Variants in ZNF525 observed in about 807,000 individuals in gnomAD.
ZNF525 encodes zinc finger protein 525.
ZNF525 carries 33 observed loss-of-function variants against 37.6 expected under a neutral mutation model. That is an observed-to-expected ratio of 0.88 (90% CI 0.67 to 1.17). The LOEUF (loss-of-function observed/expected upper bound fraction) is 1.17. Ranked by LOEUF, ZNF525 falls within the 50% of genes most tolerant of loss-of-function variation. The pLI is 0.00. For missense variants in ZNF525, 449 were observed against 543.1 expected (o/e 0.83, Z 1.72); for synonymous variants, 170 against 182.3 (o/e 0.93, Z 0.54).
At position 53,386,293 on chromosome 19, in the gene ZNF525, C is replaced by T. The variant is rs757086470; in HGVS notation, c.*4274C>T. 1.7e-5 allele frequency: 12 copies of T among 706,560 alleles called. No homozygotes were observed. The highest frequency in any genetic ancestry group is 2.6e-5 in the Non-Finnish European group (10 of 384,242). 43.8% of individuals were successfully genotyped at this position (706,560 alleles called of 1,614,324 possible). A position where few individuals can be genotyped will look rare whatever the true frequency, so the allele number is the denominator to read the frequency against. ...CCTGGCCAAGAAACAAAAGCAAAAC[C>T]ATCCCACTCCCCTGTGGATTCAGAT... On this transcript the variant is annotated 3_prime_UTR_variant, in exon 4 of 4. Transcript: ENST00000474037.
chr19:53,368,102 C>G (rs1285325257), intron 1 of ZNF525, among the ~76,000 whole-genome samples: 2 of 151,904 alleles, frequency 1.3e-5, no homozygotes, highest in Non-Finnish European at 2.9e-5. Flanking sequence ...CTCCTTGTTG[C>G]AATGGGAGTT....
intron 3 of ZNF525, among the ~76,000 whole-genome samples, chr19:53,379,659 C>G (rs1233380201): frequency 1.3e-5 from 2 of 152,132 alleles, no homozygotes; most frequent in African/African-American, 4.8e-5. Context: ...TTACATAAAG[C>G]TTTTCGGTAT....
At position 53,381,257 on chromosome 19, in the gene ZNF525, T is replaced by C. The variant is rs752127054; in HGVS notation, c.678T>C (p.Tyr226=). 5.0e-6 allele frequency: 7 copies of C among 1,388,604 alleles called. No individual in the cohort carries two copies. In the Admixed American group the frequency reaches 1.2e-4, roughly 23 times the overall value. The allele number at this position is 1,388,604 out of a possible 1,614,324, so 86.0% of individuals were successfully genotyped here. A position where few individuals can be genotyped will look rare whatever the true frequency, so the allele number is the denominator to read the frequency against. ...TTGAGAGTGGCAAAGCCTTTAATTA[T>C]AGCTCACTCTTAAGGAAACATCAGA... is the stretch of plus-strand genomic sequence containing the variant. ...QCIESGKAFN[Y]SSLLRKHQII... Residue 226 remains tyrosine (Y), a synonymous_variant, in exon 4 of 4, where the codon TAT becomes TAC. Transcript: ENST00000474037.
chr19:53,384,969 G>A lies in ZNF525; in HGVS notation c.*2950G>A. The A allele has an allele frequency of 2.8e-6, 2 of 702,012 alleles. No homozygotes were observed. The highest frequency in any genetic ancestry group is 5.2e-6 in the Non-Finnish European group (2 of 384,644). 43.5% of individuals were successfully genotyped at this position (702,012 alleles called of 1,614,324 possible). On this transcript the variant is annotated 3_prime_UTR_variant, in exon 4 of 4. Transcript: ENST00000474037. Reference sequence around the variant, plus strand: ...TAAATTTCCTTTTCTATTTTGTTTAGGATTTCTATGATGACTGGATTTTGA... The same window carrying A: ...TAAATTTCCTTTTCTATTTTGTTTAAGATTTCTATGATGACTGGATTTTGA...
intron 1 of ZNF525, among the ~76,000 whole-genome samples, chr19:53,370,840 C>T (rs1056308696): frequency 4.6e-5 from 7 of 152,184 alleles, no homozygotes; most frequent in Non-Finnish European, 8.8e-5. Flanking sequence ...ACCGGCTTCC[C>T]GTGTTCCCCA....
intron 2 of ZNF525, among the ~76,000 whole-genome samples, chr19:53,375,413 C>T (rs578039336): frequency 1.3e-5 from 2 of 152,150 alleles, no homozygotes; most frequent in South Asian, 2.1e-4. Flanking sequence ...GGTGAAACTC[C>T]GTTTCTACTA....
intron 1 of ZNF525, 28 bp from the exon 2 acceptor site, chr19:53,372,187 C>A: frequency 3.0e-6 from 2 of 663,024 alleles, no homozygotes; most frequent in Non-Finnish European, 2.7e-6. Flanking sequence ...TGATTCTGAG[C>A]AATAAACAAC....
At position 53,382,116 on chromosome 19, in the gene ZNF525, C is replaced by A; in HGVS notation, c.*97C>A. 6.4e-7 allele frequency: 1 copy of A among 1,557,250 alleles called. No homozygotes were observed. The highest frequency in any genetic ancestry group is 8.8e-7 in the Non-Finnish European group (1 of 1,135,526). ...CAGTCATACGTCATCCATTGTATAC[C>A]ATCATAAATTTCATAGTGGAGAGAA... On this transcript the variant is annotated 3_prime_UTR_variant, in exon 4 of 4. Transcript: ENST00000474037.
Position 53,384,762 on chromosome 19 carries a change from AT to A in ZNF525, c.*2746del. 2.0e-6 allele frequency: 1 copy of A among 495,074 alleles called. No individual in the cohort carries two copies. Among genetic ancestry groups the A allele is most frequent in the Non-Finnish European group, 3.6e-6 (1 of 279,630 alleles). 30.7% of individuals were successfully genotyped at this position (495,074 alleles called of 1,614,324 possible). A position where few individuals can be genotyped will look rare whatever the true frequency, so the allele number is the denominator to read the frequency against. On this transcript the variant is annotated 3_prime_UTR_variant, in exon 4 of 4. Transcript: ENST00000474037. ...ATGTAATTTTACTTCTTTCTTTCTG[AT>A]TTGGATGAGTTTGATTTCTTTTGCT... is the stretch of plus-strand genomic sequence containing the variant.
chr19:53,375,123 G>C (rs2085512416), intron 2 of ZNF525, among the ~76,000 whole-genome samples: 1 of 151,920 alleles, frequency 6.6e-6, no homozygotes, highest in South Asian at 2.1e-4. Flanking sequence ...TGCCTACTGG[G>C]ATCAAGCAGT....
rs949309415 is a variant in ZNF525 at position 53,384,468 on chromosome 19, C to T, written c.*2449C>T. 1 of 155,376 alleles carries T rather than the reference C, an allele frequency of 6.4e-6. No individual in the cohort carries two copies. The highest frequency in any genetic ancestry group is 2.4e-5 in the African/African-American group (1 of 41,566). 9.6% of individuals were successfully genotyped at this position (155,376 alleles called of 1,614,324 possible). On this transcript the variant is annotated 3_prime_UTR_variant, in exon 4 of 4. Transcript: ENST00000474037. ...TTGTGTCTCTATATATGTTTTTAATCATTTTGATCAATTTTTGTTGATTTC... is the reference window on the plus strand; with the variant it reads ...TTGTGTCTCTATATATGTTTTTAATTATTTTGATCAATTTTTGTTGATTTC...
intron 1 of ZNF525, among the ~76,000 whole-genome samples, chr19:53,367,361 T>C (rs2147061959): frequency 6.6e-6 from 1 of 152,322 alleles, no homozygotes; most frequent in South Asian, 2.1e-4. Flanking sequence ...AGATGCTTTT[T>C]ATTATCAAGA....
Position 53,384,188 on chromosome 19 carries a change from T to C in ZNF525, c.*2169T>C, listed in dbSNP as rs1458277058. The C allele has an allele frequency of 5.3e-6, 2 of 375,298 alleles. No individual in the cohort carries two copies. The highest frequency in any genetic ancestry group is 2.1e-5 in the South Asian group (1 of 46,670). 23.2% of individuals were successfully genotyped at this position (375,298 alleles called of 1,614,324 possible). A position where few individuals can be genotyped will look rare whatever the true frequency, so the allele number is the denominator to read the frequency against. ...GCCTTAATTGACATTAAAGTGTTTA[T>C]GTTAAGAGGACTGGGCTGTGTGGCA... On this transcript the variant is annotated 3_prime_UTR_variant, in exon 4 of 4. Transcript: ENST00000474037.
At chr19:53,372,662 C>T (rs535789623) in intron 2 of ZNF525, among the ~76,000 whole-genome samples, 2,577 of 152,270 alleles carry the variant, frequency 0.017, 29 homozygotes, top group Non-Finnish European at 0.023. Flanking sequence ...GGAAGTCACG[C>T]ACTAATGTGC....
intron 1 of ZNF525, among the ~76,000 whole-genome samples, chr19:53,369,880 A>T (rs1466865612): frequency 7.1e-6 from 1 of 140,260 alleles, no homozygotes; most frequent in African/African-American, 2.8e-5. Flanking sequence ...GCCCGCCACC[A>T]CGCCCAGCTA....
At chr19:53,368,797 C>T (rs750384447) in intron 1 of ZNF525, among the ~76,000 whole-genome samples, 4 of 152,142 alleles carry the variant, frequency 2.6e-5, no homozygotes, top group Middle Eastern at 6.8e-3. Flanking sequence ...GGGTAACCTG[C>T]GGTCCACACG....
chr19:53,382,520 G>A lies in ZNF525; in HGVS notation c.*501G>A. Reference sequence around the variant, plus strand: ...AGTGTGGCAAGACCTTCAGTAAGGAGTTAACACATGCCATCATAGACGTCA... The same window carrying A: ...AGTGTGGCAAGACCTTCAGTAAGGAATTAACACATGCCATCATAGACGTCA... On this transcript the variant is annotated 3_prime_UTR_variant, in exon 4 of 4. Coordinates refer to ENST00000474037, the MANE Select transcript of ZNF525 (RefSeq NM_001348156.2). The A allele has an allele frequency of 4.5e-6, 3 of 665,758 alleles. No individual in the cohort carries two copies. The highest frequency in any genetic ancestry group is 1.9e-5 in the Admixed American group (1 of 52,558). The allele number at this position is 665,758 out of a possible 1,614,324, so 41.2% of individuals were successfully genotyped here. A position where few individuals can be genotyped will look rare whatever the true frequency, so the allele number is the denominator to read the frequency against.
chr19:53,374,092 A>T (rs778634685), intron 2 of ZNF525, among the ~76,000 whole-genome samples: 42 of 152,138 alleles, frequency 2.8e-4, no homozygotes, highest in Admixed American at 5.2e-4. Flanking sequence ...CATGTTAGCC[A>T]GGCTGATCTT....
At chr19:53,368,075 A>C (rs905705661) in intron 1 of ZNF525, among the ~76,000 whole-genome samples, 6 of 152,046 alleles carry the variant, frequency 3.9e-5, no homozygotes, top group African/African-American at 1.4e-4. Flanking sequence ...TGTTGTAGAC[A>C]GGATACCTTA....
Sources: allele counts gnomAD v4.1 joint callset (sites outside exome capture counted in the v4.1 genomes callset), GRCh38; gene constraint gnomAD v4.1.1; transcripts MANE v1.5; gene names NCBI Gene and HGNC (gene_info 2026-07-23, HGNC 2026-07-21).